Variants in CD200R1 observed in about 807,000 individuals in gnomAD.
The protein encoded by CD200R1 is CD200 receptor 1, also known as cell surface glycoprotein CD200 receptor 1.
In CD200R1, 30 loss-of-function variants were observed where a neutral mutation model predicts 38.1. The observed-to-expected ratio is 0.79, with a 90% CI of 0.59 to 1.07. The LOEUF (loss-of-function observed/expected upper bound fraction) is 1.07. Ranked by LOEUF, CD200R1 falls within the 50% of genes least tolerant of loss-of-function variation. CD200R1 has a pLI of 0.00. For synonymous variants in CD200R1, 128 were observed against 152.1 expected (o/e 0.84, Z 1.16); for missense variants, 372 against 415.4 (o/e 0.90, Z 0.91).
At chr3:112,938,521 T>G (rs1940638724) in intron 2 of CD200R1, among the ~76,000 whole-genome samples, 1 of 151,738 alleles carries the variant, frequency 6.6e-6, no homozygotes, top group Non-Finnish European at 1.5e-5. Flanking sequence ...AACTGAAAAA[T>G]TCCCGGATAC....
intron 2 of CD200R1, among the ~76,000 whole-genome samples, chr3:112,940,296 T>C (rs115463245): frequency 0.021 from 3,255 of 151,642 alleles, 40 homozygotes; most frequent in South Asian, 0.048. Flanking sequence ...ATAGCATAGG[T>C]AACTAAAGCA....
intron 2 of CD200R1, among the ~76,000 whole-genome samples, chr3:112,932,776 C>G (rs985392483): frequency 6.6e-6 from 1 of 152,042 alleles, no homozygotes; most frequent in Admixed American, 6.5e-5. Context: ...TCCCAGTGGA[C>G]ATCCCCCCCA....
In CD200R1 at chr3:112,929,352, C is replaced by T; in HGVS notation, c.358G>A (p.Glu120Lys). 6.2e-7 allele frequency: 1 copy of T among 1,614,054 alleles called. No individual in the cohort carries two copies. The highest frequency in any genetic ancestry group is 1.1e-5 in the South Asian group (1 of 91,076). The stretch of plus-strand genomic sequence containing the variant: ...ATTCTCTCATCAGTACAGTTGGTTT[C>T]CTTGGTCTCATTTGTTTCTTTCTTG... The part of the protein sequence containing the change: ...AYKKETNETK[E>K]TNCTDERITW... The change falls in exon 4 of 8, where the codon GAA becomes AAA. Residue 120 changes from glutamate (E) to lysine (K), a missense_variant. Transcript: ENST00000308611.
At chr3:112,945,036 G>A (rs1014283145) in intron 2 of CD200R1, among the ~76,000 whole-genome samples, 3 of 152,056 alleles carry the variant, frequency 2.0e-5, no homozygotes, top group African/African-American at 7.2e-5. Flanking sequence ...ATCTATATGA[G>A]GAAAACTATA....
At chr3:112,923,837 T>A in intron 7 of CD200R1, 38 bp from the exon 8 acceptor site, 1 of 1,311,362 alleles carries the variant, frequency 7.6e-7, no homozygotes, top group Non-Finnish European at 1.1e-6. Context: ...ATTCAAAAAA[T>A]CATCATAGAG....
chr3:112,937,270 C>T (rs140870421), intron 2 of CD200R1, among the ~76,000 whole-genome samples: 255 of 152,154 alleles, frequency 1.7e-3, no homozygotes, highest in African/African-American at 5.9e-3. Flanking sequence ...AGAGTAACTG[C>T]CCCCCATGAT....
chr3:112,929,640 A>G, intron 3 of CD200R1, 133 bp from the exon 4 acceptor site: 1 of 796,400 alleles, frequency 1.3e-6, no homozygotes. Context: ...TTAGACCTTC[A>G]TAAAAAATTA....
intron 2 of CD200R1, among the ~76,000 whole-genome samples, chr3:112,947,027 T>C (rs1361702300): frequency 3.9e-5 from 6 of 152,112 alleles, no homozygotes; most frequent in Admixed American, 3.9e-4. Flanking sequence ...AAAAAGCCAG[T>C]CTGAAAATGC....
rs1940183885 is a variant in CD200R1 at position 112,922,212 on chromosome 3, AAT to A, written c.*1463_*1464del. On this transcript the variant is annotated 3_prime_UTR_variant, in exon 8 of 8. Transcript: ENST00000308611. ...TATAAGACAAAATAGCTGTCTTAAA[AAT>A]CTCAGATGGTATGATTGAAGAATGA... 6.6e-6 allele frequency: 1 copy of A among 152,030 alleles called. No individual in the cohort carries two copies. The highest frequency in any genetic ancestry group is 2.4e-5 in the African/African-American group (1 of 41,432). The allele number at this position is 152,030 out of a possible 1,614,324, so 9.4% of individuals were successfully genotyped here.
chr3:112,963,606 CA>C (rs1466621938), intron 1 of CD200R1, among the ~76,000 whole-genome samples: 3 of 152,016 alleles, frequency 2.0e-5, no homozygotes, highest in Non-Finnish European at 4.4e-5. Context: ...TTCTAAGCAG[CA>C]AAGTATTCAA....
chr3:112,962,794 A>G (rs1471332941), intron 1 of CD200R1, among the ~76,000 whole-genome samples: 1 of 152,086 alleles, frequency 6.6e-6, no homozygotes, highest in African/African-American at 2.4e-5. Flanking sequence ...GAGCCTTGAA[A>G]ACATTTATAA....
intron 2 of CD200R1, among the ~76,000 whole-genome samples, chr3:112,937,888 T>C (rs1277988606): frequency 6.6e-6 from 1 of 152,088 alleles, no homozygotes; most frequent in Admixed American, 6.6e-5. Flanking sequence ...TTATAGTTTT[T>C]CTTAAAGAGG....
At chr3:112,970,106 A>G (rs1039338258) in intron 1 of CD200R1, among the ~76,000 whole-genome samples, 2 of 152,116 alleles carry the variant, frequency 1.3e-5, no homozygotes, top group Admixed American at 6.6e-5. Context: ...TGAGACTGGG[A>G]GGTCAAGGCT....
rs1940254628 is a variant in CD200R1, at chr3:112,925,173, C to T, written c.790G>A (p.Ala264Thr). 6.3e-7 allele frequency: 1 copy of T among 1,597,278 alleles called. No homozygotes were observed. The highest frequency in any genetic ancestry group is 8.6e-7 in the Non-Finnish European group (1 of 1,167,172). The change falls in exon 6 of 8, where the codon GCA (alanine) becomes ACA (threonine). Residue 264 changes from alanine (A) to threonine (T), a missense_variant. Physicochemically the swap from Ala to Thr is moderately conservative, Grantham distance 58. Transcript: ENST00000308611. ...ATGATATATGGAATATATAATTTTGCTGATTTTTTGGCACCTGGAACTATA... is the reference window on the plus strand; with the variant it reads ...ATGATATATGGAATATATAATTTTGTTGATTTTTTGGCACCTGGAACTATA... ...LLPVPGAKKSAKLYIPYIILT... is the reference protein window; with the variant it reads ...LLPVPGAKKSTKLYIPYIILT...
At chr3:112,934,912 G>T (rs1056956840) in intron 2 of CD200R1, among the ~76,000 whole-genome samples, 1 of 151,928 alleles carries the variant, frequency 6.6e-6, no homozygotes, top group Non-Finnish European at 1.5e-5. Context: ...GTGGAAAAAA[G>T]ACATGCAAAC....
intron 1 of CD200R1, among the ~76,000 whole-genome samples, chr3:112,957,595 T>C (rs1377024808): frequency 1.3e-5 from 2 of 152,224 alleles, no homozygotes; most frequent in African/African-American, 4.8e-5. Context: ...CAAAGATTTA[T>C]TGGGACATAA....
rs150987637 is a variant in CD200R1, at chr3:112,963,645, T to C, written c.67+11146A>G. On this transcript the variant is annotated intron_variant, in intron 1 of 7. Transcript: ENST00000308611. ...TGCGACTTGGGTGCTGTTAAAGGCA[T>C]TCAGTTTTATAAGTGAAGCAGAGCA... Among the ~76,000 whole-genome samples, 58 of 152,224 alleles carry C rather than the reference T, an allele frequency of 3.8e-4. No individual in the cohort carries two copies. The East Asian group carries it at 0.011, about 28-fold the overall frequency.
intron 1 of CD200R1, among the ~76,000 whole-genome samples, chr3:112,956,207 CTTTT>C (rs545977634): frequency 6.6e-6 from 1 of 151,742 alleles, no homozygotes; most frequent in Admixed American, 6.6e-5. Context: ...TCTTTTCATT[CTTTT>C]TTTTCTCCTA....
rs529020378 is a variant in CD200R1, at chr3:112,964,519, T to C, written c.67+10272A>G. Among the ~76,000 whole-genome samples, 8 of 152,354 alleles carry C rather than the reference T, an allele frequency of 5.3e-5. No homozygotes were observed. In the South Asian group the frequency reaches 1.2e-3, roughly 24 times the overall value. The stretch of plus-strand genomic sequence containing the variant: ...AAGATTTGACTGCCCTGCTGGATTT[T>C]GGACTTGCATGGGGCCTGTAGCCCC... On this transcript the variant is annotated intron_variant, in intron 1 of 7. Transcript: ENST00000308611.
Sources: allele counts gnomAD v4.1 joint callset (sites outside exome capture counted in the v4.1 genomes callset), GRCh38; gene constraint gnomAD v4.1.1; transcripts MANE v1.5; gene names NCBI Gene and HGNC (gene_info 2026-07-23, HGNC 2026-07-21).